The following TMEM8B variants were observed in gnomAD, a reference collection of about 807,000 sequenced individuals.
The protein encoded by TMEM8B is transmembrane protein 8B.
A neutral mutation model predicts 49.3 loss-of-function variants in TMEM8B; 29 were observed. The ratio of observed to expected loss-of-function variants is 0.59; its 90% confidence interval spans 0.44 to 0.80. TMEM8B has a LOEUF of 0.80. Among genes scored for constraint, TMEM8B ranks in the 30% least tolerant of loss-of-function variants. The pLI, the probability that TMEM8B is intolerant of heterozygous loss-of-function variation, is 0.00. For synonymous variants in TMEM8B, 264 were observed against 272.8 expected (o/e 0.97, Z 0.32); for missense variants, 575 against 658.5 (o/e 0.87, Z 1.39).
At chr9:35,838,442 T>A (rs1830653018) in intron 3 of TMEM8B, among the ~76,000 whole-genome samples, 1 of 151,986 alleles carries the variant, frequency 6.6e-6, no homozygotes. Flanking sequence ...ATCTCCAGGT[T>A]GTAGTGGCCC....
intron 10 of TMEM8B, 119 bp from the exon 11 acceptor site, chr9:35,852,708 G>A (rs1832261150): frequency 3.4e-6 from 4 of 1,192,032 alleles, no homozygotes; most frequent in Non-Finnish European, 3.6e-6. Flanking sequence ...CTTCTCATCT[G>A]TGACCTTTCA....
chr9:35,845,981 G>A lies in TMEM8B; in HGVS notation c.1642G>A (p.Val548Met). ...CCATACCTGCCCTCCCCAGAGCTCC[G>A]TGCGCCAGGAAAACGTGACGGTGTT... is the stretch of plus-strand genomic sequence containing the variant. Reference protein sequence around the residue: ...SLELQLNASSVRQENVTVFGC... With the variant: ...SLELQLNASSMRQENVTVFGC... Residue 548 changes from valine to methionine, a missense_variant, in exon 7 of 13, where the codon GTG (valine) becomes ATG (methionine). Transcript: ENST00000643932. 1 of 1,613,964 alleles carries A rather than the reference G, an allele frequency of 6.2e-7. No homozygotes were observed. The highest frequency in any genetic ancestry group is 2.2e-5 in the East Asian group (1 of 44,878).
Position 35,842,346 on chromosome 9 carries a change from A to G in TMEM8B, c.1310-46A>G, listed in dbSNP as rs1831098199. 7.2e-7 allele frequency: 1 copy of G among 1,390,940 alleles called. No homozygotes were observed. The highest frequency in any genetic ancestry group is 9.6e-7 in the Non-Finnish European group (1 of 1,041,608). 86.2% of individuals were successfully genotyped at this position (1,390,940 alleles called of 1,614,324 possible). On this transcript the variant is annotated intron_variant, in intron 5 of 12. Transcript: ENST00000643932. The surrounding 1 kb of genome is among the most constrained non-coding windows in gnomAD (Gnocchi z 5.6). ...AGATGTGTTTATGAGTAAGTTCAGGACTGTAAAGGCTGCAGGCCCAAGCTC... is the reference window on the plus strand; with the variant it reads ...AGATGTGTTTATGAGTAAGTTCAGGGCTGTAAAGGCTGCAGGCCCAAGCTC...
In TMEM8B at chr9:35,853,736, G is replaced by T. The variant is rs774214738; in HGVS notation, c.2671G>T (p.Ala891Ser). 1 of 1,613,496 alleles carries T rather than the reference G, an allele frequency of 6.2e-7. No homozygotes were observed. Among genetic ancestry groups the T allele is most frequent in the South Asian group, 1.1e-5 (1 of 91,050 alleles). The change falls in exon 13 of 13, where the codon GCC becomes TCC. Residue 891 changes from alanine to serine, a missense_variant. Coordinates refer to ENST00000643932, the MANE Select transcript of TMEM8B (RefSeq NM_001042590.4). This position sits in a 1 kb window ranked among gnomAD's most constrained non-coding sequence, Gnocchi z 4.2. Reference sequence around the variant, plus strand: ...GACTGACCACGGGGTCCCATCTGGAGCCCGGGCCCGGGGCTGTGGTTACCA... The same window carrying T: ...GACTGACCACGGGGTCCCATCTGGATCCCGGGCCCGGGGCTGTGGTTACCA... ...AKTDHGVPSGARARGCGYQLC... is the reference protein window; with the variant it reads ...AKTDHGVPSGSRARGCGYQLC...
rs200757405 is a variant in TMEM8B, at chr9:35,853,601, G to A, written c.2536G>A (p.Val846Ile). The stretch of plus-strand genomic sequence containing the variant: ...TGGCAGCCTTATTGCAGGCAGTGCC[G>A]TCCTGCTTTATGCTTTTGTGGAGAC... ...CPGSLIAGSA[V>I]LLYAFVETRD... Residue 846 changes from valine to isoleucine, a missense_variant, in exon 13 of 13, where the codon GTC becomes ATC. Coordinates refer to ENST00000643932, the MANE Select transcript of TMEM8B (RefSeq NM_001042590.4). This position sits in a 1 kb window ranked among gnomAD's most constrained non-coding sequence, Gnocchi z 4.2. The A allele has an allele frequency of 3.0e-4, 491 of 1,614,242 alleles. No homozygotes were observed. The highest frequency in any genetic ancestry group is 2.0e-3 in the African/African-American group (150 of 75,072).
intron 3 of TMEM8B, among the ~76,000 whole-genome samples, chr9:35,837,313 T>C (rs1830531095): frequency 6.6e-6 from 1 of 152,044 alleles, no homozygotes; most frequent in Non-Finnish European, 1.5e-5. Flanking sequence ...ATAAGATGCA[T>C]GTCGGATATA....
chr9:35,842,832 A>G lies in TMEM8B; in HGVS notation c.1635+115A>G. ...AAGCCTGTCCAGGTTGCTCCCACCCATCCTGACAATTAGGGACCATGGCTC... is the reference window on the plus strand; with the variant it reads ...AAGCCTGTCCAGGTTGCTCCCACCCGTCCTGACAATTAGGGACCATGGCTC... On this transcript the variant is annotated intron_variant, in intron 6 of 12. Coordinates refer to ENST00000643932, the MANE Select transcript of TMEM8B (RefSeq NM_001042590.4). This position sits in a 1 kb window ranked among gnomAD's most constrained non-coding sequence, Gnocchi z 5.6. 1 of 1,109,246 alleles carries G rather than the reference A, an allele frequency of 9.0e-7. No individual in the cohort carries two copies. Among genetic ancestry groups the G allele is most frequent in the South Asian group, 1.7e-5 (1 of 59,910 alleles). The allele number at this position is 1,109,246 out of a possible 1,614,324, so 68.7% of individuals were successfully genotyped here. A position where few individuals can be genotyped will look rare whatever the true frequency, so the allele number is the denominator to read the frequency against.
intron 3 of TMEM8B, among the ~76,000 whole-genome samples, chr9:35,839,928 C>T (rs750084602): frequency 6.6e-6 from 1 of 152,332 alleles, no homozygotes; most frequent in East Asian, 1.9e-4. Flanking sequence ...CACAGACCTT[C>T]CAGCCTTTTG....
chr9:35,846,923 T>G lies in TMEM8B; in HGVS notation c.2103T>G (p.Pro701=). 1 of 1,614,264 alleles carries G rather than the reference T, an allele frequency of 6.2e-7. No homozygotes were observed. The highest frequency in any genetic ancestry group is 8.5e-7 in the Non-Finnish European group (1 of 1,180,044). Residue 701 remains proline (P), a synonymous_variant, in exon 10 of 13, where the codon CCT becomes CCG. Transcript: ENST00000643932. The part of the protein sequence containing the change: ...LCLSNLMFLP[P]VVLAIRSRYV... ...TGAGCAACCTCATGTTTCTGCCACC[T>G]GTGGTCCTGGCCATTCGGAGTCGAT...
intron 10 of TMEM8B, among the ~76,000 whole-genome samples, chr9:35,849,495 G>A (rs1377871474): frequency 6.6e-6 from 1 of 152,206 alleles, no homozygotes; most frequent in Admixed American, 6.5e-5. Context: ...TACTGTTATA[G>A]TTGATACATG....
intron 6 of TMEM8B, among the ~76,000 whole-genome samples, chr9:35,844,576 A>C (rs565512658): frequency 6.6e-6 from 1 of 152,236 alleles, no homozygotes; most frequent in Non-Finnish European, 1.5e-5. Context: ...TCTTATTTAC[A>C]TAATCAAATT....
rs1047202297 is a variant in TMEM8B at position 35,860,578 on chromosome 9, A to G, written c.*6738A>G. The G allele has an allele frequency of 4.6e-5, 7 of 152,208 alleles. No individual in the cohort carries two copies. The highest frequency in any genetic ancestry group is 1.7e-4 in the African/African-American group (7 of 41,462). 9.4% of individuals were successfully genotyped at this position (152,208 alleles called of 1,614,324 possible). A position where few individuals can be genotyped will look rare whatever the true frequency, so the allele number is the denominator to read the frequency against. On this transcript the variant is annotated 3_prime_UTR_variant, in exon 13 of 13. Coordinates refer to ENST00000643932, the MANE Select transcript of TMEM8B (RefSeq NM_001042590.4). ...ATGCTCACCTAGTGTTCCTTGGGCC[A>G]TGAAGATCAAATATTTCAGCCCCAT... is the stretch of plus-strand genomic sequence containing the variant.
chr9:35,836,080 A>C (rs1830423726), intron 3 of TMEM8B, among the ~76,000 whole-genome samples: 1 of 152,198 alleles, frequency 6.6e-6, no homozygotes, highest in South Asian at 2.1e-4. Context: ...TTTAAAGAAG[A>C]GGACTCTTAG....
chr9:35,846,027 T>G lies in TMEM8B; in HGVS notation c.1688T>G (p.Val563Gly), dbSNP rs1390252107. 3.7e-6 allele frequency: 6 copies of G among 1,611,808 alleles called. No individual in the cohort carries two copies. The Admixed American group carries it at 6.7e-5, about 18-fold the overall frequency. ...GTGTTTGGATGCTTGACTCACGAGG[T>G]GCCCTTGAGCCTGGGGGATGCAGCA... Reference protein sequence around the residue: ...VTVFGCLTHEVPLSLGDAAVT... With the variant: ...VTVFGCLTHEGPLSLGDAAVT... Residue 563 changes from valine (V) to glycine (G), a missense_variant, in exon 7 of 13, where the codon GTG becomes GGG. Transcript: ENST00000643932.
intron 1 of TMEM8B, among the ~76,000 whole-genome samples, chr9:35,831,344 G>A (rs941019495): frequency 6.6e-6 from 1 of 152,204 alleles, no homozygotes; most frequent in Non-Finnish European, 1.5e-5. Flanking sequence ...CTTCAGCTCT[G>A]CCTCCTCCTC....
At chr9:35,833,473 G>T in intron 1 of TMEM8B, 1 of 481,504 alleles carries the variant, frequency 2.1e-6, no homozygotes, top group Non-Finnish European at 2.7e-6. Flanking sequence ...CCTCCACTGT[G>T]ACAGCTATTC....
Position 35,846,534 on chromosome 9 carries a change from A to G in TMEM8B, c.1919A>G (p.Asp640Gly), listed in dbSNP as rs1831590833. Residue 640 changes from aspartate (D) to glycine (G), a missense_variant, in exon 9 of 13, where the codon GAC (aspartate) becomes GGC (glycine). Transcript: ENST00000643932. ...RMRTFLSPCVDDCGPYGQCKL... is the reference protein window; with the variant it reads ...RMRTFLSPCVGDCGPYGQCKL... ...CGCACCTTCCTGTCCCCATGCGTGG[A>G]CGACTGCGGGCCCTACGGCCAGTGC... 3.2e-6 allele frequency: 5 copies of G among 1,583,940 alleles called. No homozygotes were observed. The highest frequency in any genetic ancestry group is 4.3e-6 in the Non-Finnish European group (5 of 1,164,940).
rs1434465933 is a variant in TMEM8B at position 35,855,766 on chromosome 9, G to T, written c.*1926G>T. On this transcript the variant is annotated 3_prime_UTR_variant, in exon 13 of 13. Coordinates refer to ENST00000643932, the MANE Select transcript of TMEM8B (RefSeq NM_001042590.4). Reference sequence around the variant, plus strand: ...GGACCTAGGCTTTTGAAACCCAAAAGCCAGGAAAACATGCCTTTGTTATCT... The same window carrying T: ...GGACCTAGGCTTTTGAAACCCAAAATCCAGGAAAACATGCCTTTGTTATCT... 1 of 152,206 alleles carries T rather than the reference G, an allele frequency of 6.6e-6. No homozygotes were observed. The highest frequency in any genetic ancestry group is 2.4e-5 in the African/African-American group (1 of 41,432). 9.4% of individuals were successfully genotyped at this position (152,206 alleles called of 1,614,324 possible).
At chr9:35,852,762 C>A (rs1832268538) in intron 10 of TMEM8B, 65 bp from the exon 11 acceptor site, 1 of 1,602,560 alleles carries the variant, frequency 6.2e-7, no homozygotes, top group East Asian at 2.2e-5. Flanking sequence ...GGGCCCACCC[C>A]TCCGGTTTTG....
Sources: allele counts gnomAD v4.1 joint callset (sites outside exome capture counted in the v4.1 genomes callset), GRCh38; gene constraint gnomAD v4.1.1; non-coding constraint Gnocchi (gnomAD v3.1); transcripts MANE v1.5; gene names NCBI Gene and HGNC (gene_info 2026-07-23, HGNC 2026-07-21).